The following SCHIP1 variants were observed in gnomAD, a reference collection of about 807,000 sequenced individuals.
SCHIP1 encodes the protein schwannomin interacting protein 1, also known as schwannomin-interacting protein 1.
In SCHIP1, 8 loss-of-function variants were observed where a neutral mutation model predicts 29.7. The ratio of observed to expected loss-of-function variants is 0.27; its 90% confidence interval spans 0.16 to 0.49. The LOEUF (loss-of-function observed/expected upper bound fraction) is 0.49, where lower values mean the gene tolerates loss of function less well. Ranked by LOEUF, SCHIP1 falls within the 20% of genes least tolerant of loss-of-function variation. SCHIP1 has a pLI of 0.99. For synonymous variants in SCHIP1, 76 were observed against 94.9 expected (o/e 0.80, Z 1.16); for missense variants, 193 against 294.6 (o/e 0.66, Z 2.52).
At chr3:159,316,868 G>A in the SCHIP1 span, among the ~76,000 whole-genome samples, 1 of 152,208 alleles carries the variant, frequency 6.6e-6, no homozygotes, top group Admixed American at 6.5e-5. Flanking sequence ...TTTAACAAAA[G>A]AAGGAGGAAA....
At chr3:159,308,439 C>T in the SCHIP1 span, among the ~76,000 whole-genome samples, 1 of 152,130 alleles carries the variant, frequency 6.6e-6, no homozygotes, top group Non-Finnish European at 1.5e-5. Flanking sequence ...CTCAGCATCA[C>T]TAATCATCAG....
chr3:159,683,160 C>T, the SCHIP1 span, among the ~76,000 whole-genome samples: 2 of 152,252 alleles, frequency 1.3e-5, no homozygotes, highest in African/African-American at 2.4e-5. Context: ...AGCAATTCTT[C>T]TGCCTCAGCA....
the SCHIP1 span, among the ~76,000 whole-genome samples, chr3:159,531,143 T>C: frequency 1.3e-5 from 2 of 152,206 alleles, no homozygotes; most frequent in East Asian, 3.8e-4. Flanking sequence ...ATAAAACCTT[T>C]ATGGAATAAT....
the SCHIP1 span, among the ~76,000 whole-genome samples, chr3:159,778,273 G>A: frequency 9.2e-5 from 14 of 152,266 alleles, no homozygotes; most frequent in East Asian, 2.5e-3. Context: ...GATTACAGGC[G>A]TGAGCCACCG....
rs1277093645 is a variant in SCHIP1 at position 159,861,301 on chromosome 3, G to C, written c.31-4862G>C. ...GGCCATGCCATATGCCGAAAAAAAG[G>C]GTGGAAAGGTCCTGGGGACATATTA... On this transcript the variant is annotated intron_variant, in intron 1 of 6. Coordinates refer to ENST00000445224, the Ensembl canonical transcript of SCHIP1. This position sits in a 1 kb window ranked among gnomAD's most constrained non-coding sequence, Gnocchi z 4.1. Among the ~76,000 whole-genome samples, 2 of 152,152 alleles carry C rather than the reference G, an allele frequency of 1.3e-5. No homozygotes were observed. Among genetic ancestry groups the C allele is most frequent in the African/African-American group, 4.8e-5 (2 of 41,428 alleles).
At chr3:159,764,223 G>A in the SCHIP1 span, 2 of 505,072 alleles carry the variant, frequency 4.0e-6, no homozygotes, top group African/African-American at 1.9e-5. This position sits in a 1 kb window ranked among gnomAD's most constrained non-coding sequence, Gnocchi z 6.1. Context: ...GCTAATTTGA[G>A]GGTTAGTTAC....
chr3:159,638,616 A>G, the SCHIP1 span, among the ~76,000 whole-genome samples: 616 of 132,782 alleles, frequency 4.6e-3, 3 homozygotes, highest in African/African-American at 0.017. Context: ...ATTATAGAGG[A>G]AAAAAAAAAA....
At chr3:159,681,319 A>G in the SCHIP1 span, among the ~76,000 whole-genome samples, 1 of 152,090 alleles carries the variant, frequency 6.6e-6, no homozygotes, top group African/African-American at 2.4e-5. Context: ...ATGAAAAAGA[A>G]AGGAGAATTA....
the SCHIP1 span, among the ~76,000 whole-genome samples, chr3:159,827,146 C>T: frequency 1.3e-5 from 2 of 152,072 alleles, no homozygotes; most frequent in Admixed American, 6.5e-5. Context: ...AGTGTTTCTT[C>T]TACTATTCAG....
At chr3:159,596,120 C>T in the SCHIP1 span, among the ~76,000 whole-genome samples, 31,250 of 152,126 alleles carry the variant, frequency 0.21, 8,746 homozygotes, top group African/African-American at 0.64. Context: ...CAAACAACCC[C>T]ATCCAAAAGT....
At chr3:159,696,627 A>G in the SCHIP1 span, among the ~76,000 whole-genome samples, 5 of 152,128 alleles carry the variant, frequency 3.3e-5, no homozygotes, top group African/African-American at 4.8e-5. Context: ...CAAGTTTTCT[A>G]CTCTCTGGTT....
the SCHIP1 span, among the ~76,000 whole-genome samples, chr3:159,655,903 AAAAGT>A: frequency 1.3e-5 from 2 of 152,176 alleles, no homozygotes; most frequent in African/African-American, 4.8e-5. Flanking sequence ...GAAAAAAAAT[AAAAGT>A]AAAGAAACTG....
At chr3:159,661,927 T>A in the SCHIP1 span, among the ~76,000 whole-genome samples, 1 of 152,174 alleles carries the variant, frequency 6.6e-6, no homozygotes, top group African/African-American at 2.4e-5. Flanking sequence ...CAGTTCTTTG[T>A]CCTCCATTTT....
chr3:159,655,223 G>T, the SCHIP1 span, among the ~76,000 whole-genome samples: 1 of 152,176 alleles, frequency 6.6e-6, no homozygotes, highest in African/African-American at 2.4e-5. Flanking sequence ...TACTACTGTT[G>T]TATAGTTGAT....
the SCHIP1 span, among the ~76,000 whole-genome samples, chr3:159,443,514 T>G: frequency 1.3e-5 from 2 of 152,130 alleles, no homozygotes; most frequent in African/African-American, 4.8e-5. Flanking sequence ...AGTGAACTTA[T>G]TCCCTTTTTT....
the SCHIP1 span, chr3:159,274,493 C>A: frequency 1.4e-6 from 1 of 720,554 alleles, no homozygotes; most frequent in Non-Finnish European, 1.7e-6. Context: ...TGAAATAGTA[C>A]TTTTAGCATT....
the SCHIP1 span, among the ~76,000 whole-genome samples, chr3:159,747,677 A>G: frequency 1.3e-5 from 2 of 152,124 alleles, no homozygotes; most frequent in Non-Finnish European, 2.9e-5. Flanking sequence ...ACTCATGGCC[A>G]TGAGAAGCAT....
chr3:159,308,040 G>T, the SCHIP1 span, among the ~76,000 whole-genome samples: 2 of 151,884 alleles, frequency 1.3e-5, no homozygotes, highest in Non-Finnish European at 2.9e-5. Context: ...TTTTTTTAAG[G>T]ATTGCTTTGG....
At chr3:159,626,193 TAGATAGATAGATAG>T in the SCHIP1 span, among the ~76,000 whole-genome samples, 1 of 121,508 alleles carries the variant, frequency 8.2e-6, no homozygotes, top group Non-Finnish European at 1.5e-5. Context: ...GATAGATAGA[TAGATAGATAGATAG>T]ATATATCTAG....
Sources: allele counts gnomAD v4.1 joint callset (sites outside exome capture counted in the v4.1 genomes callset), GRCh38; gene constraint gnomAD v4.1.1; non-coding constraint Gnocchi (gnomAD v3.1); transcripts MANE v1.5; gene names NCBI Gene and HGNC (gene_info 2026-07-23, HGNC 2026-07-21).